GPAM: variants seen among roughly 807,000 people sequenced by gnomAD.
The protein encoded by GPAM is glycerol-3-phosphate acyltransferase 1, mitochondrial.
Under a neutral mutation model 105.0 loss-of-function variants are expected in GPAM, and 56 were observed. The observed-to-expected ratio is 0.53, with a 90% CI of 0.43 to 0.67. The LOEUF (loss-of-function observed/expected upper bound fraction) is 0.67, where lower values mean the gene tolerates loss of function less well. Among genes scored for constraint, GPAM ranks in the 30% least tolerant of loss-of-function variants. GPAM has a pLI of 0.00. For missense variants in GPAM, 855 were observed against 989.8 expected (o/e 0.86, Z 1.83); for synonymous variants, 368 against 354.4 (o/e 1.04, Z -0.43).
intron 20 of GPAM, 128 bp from the exon 21 acceptor site, chr10:112,154,815 G>T (rs1303733234): frequency 3.9e-6 from 3 of 771,466 alleles, no homozygotes; most frequent in Non-Finnish European, 6.7e-6. Flanking sequence ...CAAGGGTGGG[G>T]CCCCACTTCC....
At chr10:112,163,596 A>T (rs1314491242) in intron 14 of GPAM, 105 bp downstream of exon 14, 2 of 708,222 alleles carry the variant, frequency 2.8e-6, no homozygotes, top group Non-Finnish European at 5.2e-6. Context: ...CCTGTGAATT[A>T]ATAGAAGTGG....
intron 1 of GPAM, among the ~76,000 whole-genome samples, chr10:112,198,360 G>A (rs534349539): frequency 1.3e-5 from 2 of 152,178 alleles, no homozygotes; most frequent in Non-Finnish European, 2.9e-5. Context: ...AGGTATAAAC[G>A]TGCATAGTTT....
intron 1 of GPAM, among the ~76,000 whole-genome samples, chr10:112,213,139 C>T (rs1847931001): frequency 6.6e-6 from 1 of 152,176 alleles, no homozygotes; most frequent in South Asian, 2.1e-4. Context: ...ATGGGTCCAA[C>T]CGAGCATGTG....
At chr10:112,166,009 G>A (rs1442940279) in intron 12 of GPAM, among the ~76,000 whole-genome samples, 4 of 151,802 alleles carry the variant, frequency 2.6e-5, no homozygotes, top group East Asian at 3.9e-4. Flanking sequence ...TTTTGTGGGG[G>A]GTTGGGAATA....
intron 3 of GPAM, among the ~76,000 whole-genome samples, chr10:112,181,267 C>T (rs1170125912): frequency 2.0e-5 from 3 of 151,064 alleles, no homozygotes; most frequent in Non-Finnish European, 4.4e-5. Context: ...ATAGGAAAAA[C>T]AATCCAAGAA....
intron 1 of GPAM, among the ~76,000 whole-genome samples, chr10:112,203,987 T>C (rs1847830785): frequency 6.6e-6 from 1 of 152,162 alleles, no homozygotes; most frequent in Non-Finnish European, 1.5e-5. Context: ...CACTGTGACA[T>C]GAGGCCTCTC....
chr10:112,178,514 T>C (rs1847447639), intron 4 of GPAM, among the ~76,000 whole-genome samples: 1 of 152,004 alleles, frequency 6.6e-6, no homozygotes, highest in Admixed American at 6.6e-5. Flanking sequence ...GATGCCATTG[T>C]ACTCCAGCCT....
chr10:112,219,475 C>T (rs1847999991), upstream of GPAM, among the ~76,000 whole-genome samples: 1 of 152,196 alleles, frequency 6.6e-6, no homozygotes, highest in Non-Finnish European at 1.5e-5. Flanking sequence ...AAGATCCTGC[C>T]AACTTCATTT....
chr10:112,222,144 G>A, the GPAM span, among the ~76,000 whole-genome samples: 1 of 151,902 alleles, frequency 6.6e-6, no homozygotes, highest in Non-Finnish European at 1.5e-5. Context: ...TTATTCAGGT[G>A]CTTTATAATT....
At chr10:112,157,499 T>A (rs1847039337) in intron 18 of GPAM, 110 bp from the exon 19 acceptor site, 7 of 961,854 alleles carry the variant, frequency 7.3e-6, no homozygotes, top group Non-Finnish European at 1.1e-5. Context: ...CTGGCTCTTC[T>A]CTGTTTAGCC....
the GPAM span, among the ~76,000 whole-genome samples, chr10:112,226,166 G>T: frequency 6.6e-6 from 1 of 152,154 alleles, no homozygotes; most frequent in Admixed American, 6.5e-5. Context: ...CATCTAGTTT[G>T]GGTTTCCAAT....
At chr10:112,183,123 C>T (rs1847537280) in intron 1 of GPAM, among the ~76,000 whole-genome samples, 1 of 152,264 alleles carries the variant, frequency 6.6e-6, no homozygotes, top group South Asian at 2.1e-4. Flanking sequence ...AAATCTTCCA[C>T]TGCTTACCAT....
intron 15 of GPAM, 85 bp downstream of exon 15, chr10:112,161,573 GAGTGGGCCA>G (rs1375979096): frequency 1.1e-6 from 1 of 946,790 alleles, no homozygotes; most frequent in African/African-American, 1.6e-5. Flanking sequence ...TACTAGCCAT[GAGTGGGCCA>G]AATCTGCCCC....
upstream of GPAM, among the ~76,000 whole-genome samples, chr10:112,188,448 T>C: frequency 6.6e-6 from 1 of 152,208 alleles, no homozygotes; most frequent in Non-Finnish European, 1.5e-5. Context: ...AGATTTCCTG[T>C]CTTCATAAGG....
chr10:112,161,596 G>T (rs2250802), intron 15 of GPAM, 71 bp downstream of exon 15: 13 of 1,250,326 alleles, frequency 1.0e-5, no homozygotes, highest in Non-Finnish European at 1.3e-5. Context: ...CTGCCCCTGA[G>T]TATGTATCTG....
Position 112,150,611 on chromosome 10 carries a change from G to A in GPAM, c.*2939C>T, listed in dbSNP as rs1846898393. The A allele has an allele frequency of 2.1e-6, 2 of 933,578 alleles. No homozygotes were observed. Among genetic ancestry groups the A allele is most frequent in the South Asian group, 9.9e-5 (2 of 20,252 alleles). The allele number at this position is 933,578 out of a possible 1,614,324, so 57.8% of individuals were successfully genotyped here. A position where few individuals can be genotyped will look rare whatever the true frequency, so the allele number is the denominator to read the frequency against. ...TGTTCTCCACAGGACATTAGTGAGA[G>A]GTTCATAAGTATCCCAAAGGAGAAA... On this transcript the variant is annotated 3_prime_UTR_variant, in exon 22 of 22. Transcript: ENST00000348367.
chr10:112,223,604 G>T, the GPAM span, among the ~76,000 whole-genome samples: 1 of 152,158 alleles, frequency 6.6e-6, no homozygotes, highest in African/African-American at 2.4e-5. Context: ...TTAAAGTAAG[G>T]CTACTAGGAT....
chr10:112,165,722 G>A (rs1342050208), intron 12 of GPAM, among the ~76,000 whole-genome samples: 1 of 152,016 alleles, frequency 6.6e-6, no homozygotes, highest in East Asian at 1.9e-4. Flanking sequence ...TTTTAGGGGA[G>A]GTGTTTGGAA....
At chr10:112,214,034 A>G (rs936395783) in intron 1 of GPAM, among the ~76,000 whole-genome samples, 2 of 152,172 alleles carry the variant, frequency 1.3e-5, no homozygotes, top group Non-Finnish European at 2.9e-5. Context: ...GGATAATCTC[A>G]GGAAATCCCA....
Sources: gnomAD v4.1 joint callset for allele counts (sites outside exome capture counted in the v4.1 genomes callset) on GRCh38, gnomAD v4.1.1 for gene constraint, MANE v1.5 for transcripts, NCBI Gene and HGNC (gene_info 2026-07-23, HGNC 2026-07-21) for gene names.